Variants in MDGA1 observed in about 807,000 individuals in gnomAD.
The protein encoded by MDGA1 is MAM domain containing glycosylphosphatidylinositol anchor 1.
A neutral mutation model predicts 101.5 loss-of-function variants in MDGA1; 54 were observed. The observed-to-expected ratio is 0.53, with a 90% CI of 0.43 to 0.67. The LOEUF is 0.67. Among genes scored for constraint, MDGA1 ranks in the 30% least tolerant of loss-of-function variants. MDGA1 has a pLI of 0.00. For missense variants in MDGA1, 1,083 were observed against 1,323.8 expected (o/e 0.82, Z 2.82); for synonymous variants, 533 against 558.3 (o/e 0.95, Z 0.64).
At position 37,647,167 on chromosome 6, in the gene MDGA1, G is replaced by C. The variant is rs372812147; in HGVS notation, c.2046+6C>G. On this transcript the variant is annotated splice_donor_region_variant and intron_variant, in intron 10 of 16. Coordinates refer to ENST00000434837, the MANE Select transcript of MDGA1 (RefSeq NM_153487.4). The stretch of plus-strand genomic sequence containing the variant: ...GCCCCCAGGCCCCCGCTCCCCCTTG[G>C]CCCACCTGGCGGATGCTGAGTCTGT... The C allele has an allele frequency of 1.9e-6, 3 of 1,590,234 alleles. No homozygotes were observed. Among genetic ancestry groups the C allele is most frequent in the Non-Finnish European group, 2.6e-6 (3 of 1,168,606 alleles).
In MDGA1 at chr6:37,658,366, C is replaced by T. The variant is rs2273110; in HGVS notation, c.261G>A (p.Ser87=). The T allele has an allele frequency of 0.19, 300,733 of 1,611,912 alleles. 29,476 individuals carry two copies. The highest frequency in any genetic ancestry group is 0.2 in the Non-Finnish European group (236,583 of 1,178,966). ...CGATGCGCAGCGTCTCGTTGAACACCGATGTCTCCTGGAACTTGTCCGAGG... is the reference window on the plus strand; with the variant it reads ...CGATGCGCAGCGTCTCGTTGAACACTGATGTCTCCTGGAACTTGTCCGAGG... The part of the protein sequence containing the change: ...GSASDKFQET[S]VFNETLRIER... Residue 87 remains serine, a synonymous_variant, in exon 3 of 17, where the codon TCG becomes TCA. Coordinates refer to ENST00000434837, the MANE Select transcript of MDGA1 (RefSeq NM_153487.4).
At chr6:37,642,434 A>T (rs804833) in intron 14 of MDGA1, among the ~76,000 whole-genome samples, 16,234 of 151,848 alleles carry the variant, frequency 0.11, 1,820 homozygotes, top group African/African-American at 0.29. Flanking sequence ...GGCCTCCCAA[A>T]GTGCTGGGAT....
chr6:37,657,133 TAC>T (rs1761507931), intron 3 of MDGA1, among the ~76,000 whole-genome samples: 1 of 150,710 alleles, frequency 6.6e-6, no homozygotes, highest in South Asian at 2.1e-4. Context: ...TTAAGATTAG[TAC>T]ACTCTATTGA....
rs3778013 is a variant in MDGA1, at chr6:37,638,528, C to G, written c.2667+9G>C. 1 of 1,613,624 alleles carries G rather than the reference C, an allele frequency of 6.2e-7. No homozygotes were observed. The highest frequency in any genetic ancestry group is 1.7e-5 in the Admixed American group (1 of 59,996). On this transcript the variant is annotated intron_variant, in intron 15 of 16. Coordinates refer to ENST00000434837, the MANE Select transcript of MDGA1 (RefSeq NM_153487.4). The surrounding 1 kb of genome is among the most constrained non-coding windows in gnomAD (Gnocchi z 4.8). ...GCCGGGGAGGGTCCTCTGGGCCCTA[C>G]GGACTCACCTGGAAGGGCCCACTGG...
chr6:37,642,573 G>A (rs9462340), intron 14 of MDGA1, among the ~76,000 whole-genome samples: 82,125 of 151,960 alleles, frequency 0.54, 23,117 homozygotes, highest in South Asian at 0.7. Context: ...GAGGGCGTCT[G>A]CATTATGTGC....
At chr6:37,649,372 C>A in intron 8 of MDGA1, 106 bp from the exon 9 acceptor site, 2 of 1,387,268 alleles carry the variant, frequency 1.4e-6, no homozygotes, top group South Asian at 3.2e-5. Flanking sequence ...TGAGCCCCCG[C>A]CAGGAAAAAT....
At chr6:37,650,503 A>AGGTAAGC in intron 7 of MDGA1, 98 bp from the exon 8 acceptor site, 1 of 1,277,686 alleles carries the variant, frequency 7.8e-7, no homozygotes, top group Non-Finnish European at 1.0e-6. Flanking sequence ...CGCTAGGGGC[A>AGGTAAGC]AGCCTCTCTC....
At position 37,650,179 on chromosome 6, in the gene MDGA1, GCGGTAGGTCC is replaced by G; in HGVS notation, c.1529_1538del (p.Gly510AlafsTer21). 6.2e-7 allele frequency: 1 copy of G among 1,612,646 alleles called. No homozygotes were observed. The highest frequency in any genetic ancestry group is 8.5e-7 in the Non-Finnish European group (1 of 1,179,114). ...AGCCATTATAGCGGGCCGTCTGGCA[GCGGTAGGTCC>G]CGCTCATGTCTCGGCTCACTCGCTC... is the stretch of plus-strand genomic sequence containing the variant. On this transcript the variant is annotated frameshift_variant, in exon 8 of 17. Transcript: ENST00000434837. LOFTEE classifies it high-confidence loss of function.
intron 1 of MDGA1, among the ~76,000 whole-genome samples, chr6:37,668,942 G>C (rs900763655): frequency 2.6e-5 from 4 of 152,100 alleles, no homozygotes; most frequent in Non-Finnish European, 4.4e-5. Context: ...CTGCCTCCTG[G>C]GTTCAAGCAA....
intron 3 of MDGA1, among the ~76,000 whole-genome samples, chr6:37,656,377 CTT>C (rs11396920): frequency 4.2e-5 from 6 of 142,762 alleles, no homozygotes; most frequent in Non-Finnish European, 7.7e-5. Flanking sequence ...CGCCCGGACT[CTT>C]TTTTTTTTTT....
At position 37,696,932 on chromosome 6, in the gene MDGA1, AGC is replaced by A. The variant is rs1297841342; in HGVS notation, c.-123_-122del. On this transcript the variant is annotated 5_prime_UTR_variant, in exon 1 of 17. Coordinates refer to ENST00000434837, the MANE Select transcript of MDGA1 (RefSeq NM_153487.4). This position sits in a 1 kb window ranked among gnomAD's most constrained non-coding sequence, Gnocchi z 5.6. ...CCTTTCCCTGAGAGGTGAGAGAGAG[AGC>A]GGCGACGAAGACCAGGAGACTGAAG... The A allele has an allele frequency of 1.2e-5, 10 of 818,942 alleles. No homozygotes were observed. In the East Asian group the frequency reaches 2.7e-4, roughly 22 times the overall value. The allele number at this position is 818,942 out of a possible 1,614,324, so 50.7% of individuals were successfully genotyped here.
chr6:37,662,107 G>T (rs1044367986), intron 2 of MDGA1, among the ~76,000 whole-genome samples: 1 of 150,932 alleles, frequency 6.6e-6, no homozygotes, highest in African/African-American at 2.4e-5. Context: ...AGGCTGCAGT[G>T]AGCCTTATTG....
chr6:37,640,747 C>T (rs1764050613), intron 14 of MDGA1, among the ~76,000 whole-genome samples: 2 of 152,204 alleles, frequency 1.3e-5, no homozygotes, highest in South Asian at 4.2e-4. Flanking sequence ...AAGCAGCCTT[C>T]CCCATCAGTG....
chr6:37,640,732 T>C (rs576874300), intron 14 of MDGA1, among the ~76,000 whole-genome samples: 1 of 151,604 alleles, frequency 6.6e-6, no homozygotes, highest in Non-Finnish European at 1.5e-5. Flanking sequence ...GAGGGGACGG[T>C]GAAAAAGCAG....
intron 3 of MDGA1, among the ~76,000 whole-genome samples, chr6:37,657,811 T>G (rs1237619140): frequency 6.6e-6 from 1 of 152,048 alleles, no homozygotes; most frequent in African/African-American, 2.4e-5. Context: ...TGGTCCTATA[T>G]GTAATGTAGT....
chr6:37,646,245 G>C lies in MDGA1; in HGVS notation c.2177C>G (p.Thr726Ser). The change falls in exon 11 of 17, where the codon ACC becomes AGC. Residue 726 changes from threonine (T) to serine (S), a missense_variant. Physicochemically the swap from Thr to Ser is moderately conservative, Grantham distance 58. Transcript: ENST00000434837. Reference protein sequence around the residue: ...SYEVRLTPYTTFGAGDMASRI... With the variant: ...SYEVRLTPYTSFGAGDMASRI... ...GGAGGCCATGTCACCAGCCCCGAAG[G>C]TGGTATAGGGTGTGAGGCGGACCTC... is the stretch of plus-strand genomic sequence containing the variant. The C allele has an allele frequency of 6.2e-7, 1 of 1,600,722 alleles. No individual in the cohort carries two copies. Among genetic ancestry groups the C allele is most frequent in the East Asian group, 2.2e-5 (1 of 44,578 alleles).
chr6:37,678,923 G>A (rs1210956753), intron 1 of MDGA1, among the ~76,000 whole-genome samples: 1 of 151,696 alleles, frequency 6.6e-6, no homozygotes, highest in Non-Finnish European at 1.5e-5. Flanking sequence ...TTCAAAAGGC[G>A]AGCACCCCTG....
chr6:37,679,301 A>G (rs1473542080), intron 1 of MDGA1, among the ~76,000 whole-genome samples: 1 of 152,180 alleles, frequency 6.6e-6, no homozygotes, highest in Non-Finnish European at 1.5e-5. Context: ...ACGGCCAGGG[A>G]CAGAAAAGCC....
Position 37,648,842 on chromosome 6 carries a change from G to A in MDGA1, c.1894+140C>T, listed in dbSNP as rs1761281976. On this transcript the variant is annotated intron_variant, in intron 9 of 16. Coordinates refer to ENST00000434837, the MANE Select transcript of MDGA1 (RefSeq NM_153487.4). Reference sequence around the variant, plus strand: ...CTTGGCGTGGGCGGGTCTTGGAAAGGCCGGGGCTAAGCCTGGAGTAGGTGG... The same window carrying A: ...CTTGGCGTGGGCGGGTCTTGGAAAGACCGGGGCTAAGCCTGGAGTAGGTGG... The A allele has an allele frequency of 5.7e-6, 8 of 1,393,618 alleles. No homozygotes were observed. In the Admixed American group the frequency reaches 2.2e-4, roughly 38 times the overall value. The allele number at this position is 1,393,618 out of a possible 1,614,324, so 86.3% of individuals were successfully genotyped here.
Sources: allele counts gnomAD v4.1 joint callset (sites outside exome capture counted in the v4.1 genomes callset), GRCh38; gene constraint gnomAD v4.1.1; non-coding constraint Gnocchi (gnomAD v3.1); transcripts MANE v1.5; gene names NCBI Gene and HGNC (gene_info 2026-07-23, HGNC 2026-07-21).